The following NCKAP5 variants were observed in gnomAD, a reference collection of about 807,000 sequenced individuals.
The protein encoded by NCKAP5 is nck-associated protein 5.
Under a neutral mutation model 167.0 loss-of-function variants are expected in NCKAP5, and 92 were observed. The observed-to-expected ratio is 0.55, with a 90% CI of 0.47 to 0.66. The LOEUF is 0.66. Among genes scored for constraint, NCKAP5 ranks in the 30% least tolerant of loss-of-function variants. The pLI is 0.00. For missense variants in NCKAP5, 2,378 were observed against 2,315.0 expected (o/e 1.03, Z -0.56); for synonymous variants, 891 against 877.4 (o/e 1.02, Z -0.27).
At chr2:133,171,687 T>C (rs1474738643) in intron 5 of NCKAP5, among the ~76,000 whole-genome samples, 1 of 152,202 alleles carries the variant, frequency 6.6e-6, no homozygotes, top group Non-Finnish European at 1.5e-5. Context: ...TCCAGAAATA[T>C]ATGTCAACAC....
intron 6 of NCKAP5, among the ~76,000 whole-genome samples, chr2:133,099,756 C>T (rs1328275112): frequency 1.3e-5 from 2 of 152,174 alleles, no homozygotes; most frequent in African/African-American, 4.8e-5. Flanking sequence ...TTAACCATCC[C>T]TTTTTATTGT....
chr2:133,412,226 G>A (rs952042292), intron 3 of NCKAP5, among the ~76,000 whole-genome samples: 1 of 152,172 alleles, frequency 6.6e-6, no homozygotes, highest in East Asian at 1.9e-4. Context: ...GGACCGCAGA[G>A]AGCCCTCTCT....
intron 8 of NCKAP5, among the ~76,000 whole-genome samples, chr2:132,941,701 G>A (rs1212352432): frequency 6.6e-6 from 1 of 152,046 alleles, no homozygotes; most frequent in East Asian, 1.9e-4. Flanking sequence ...TTCATGAGTC[G>A]ACAAATTCCG....
intron 19 of NCKAP5, among the ~76,000 whole-genome samples, chr2:132,698,848 CAAACAAACAAA>C (rs1687587750): frequency 6.6e-6 from 1 of 151,192 alleles, no homozygotes; most frequent in Non-Finnish European, 1.5e-5. Flanking sequence ...AACAAACAAA[CAAACAAACAAA>C]AAAAAAAGTG....
chr2:132,709,658 A>G (rs1283379669), intron 19 of NCKAP5, among the ~76,000 whole-genome samples: 4 of 152,104 alleles, frequency 2.6e-5, no homozygotes, highest in African/African-American at 7.2e-5. Flanking sequence ...AGAGTATTAT[A>G]ACTAGTAATG....
In NCKAP5 at chr2:132,785,097, G is replaced by A. The variant is rs375139697; in HGVS notation, c.1714C>T (p.Arg572Cys). ...ERGPQGQGHG[R>C]MALNLQLSDT... ...GAAAGCTGGAGGTTGAGAGCCATGC[G>A]GCCATGGCCTTGGCCCTGTGGGCCC... is the stretch of plus-strand genomic sequence containing the variant. The change falls in exon 14 of 20, where the codon CGC (arginine) becomes TGC (cysteine). Residue 572 changes from arginine to cysteine, a missense_variant. This residue lies in a region of NCKAP5 where 1,049 missense variants were observed against 1,023.4 expected (regional missense o/e 1.02). Transcript: ENST00000409261. 8.9e-5 allele frequency: 143 copies of A among 1,613,928 alleles called. No individual in the cohort carries two copies. The highest frequency in any genetic ancestry group is 1.0e-4 in the Non-Finnish European group (120 of 1,179,902).
At chr2:132,838,872 T>A (rs1358899458) in intron 11 of NCKAP5, among the ~76,000 whole-genome samples, 1 of 152,218 alleles carries the variant, frequency 6.6e-6, no homozygotes, top group African/African-American at 2.4e-5. Flanking sequence ...TCCGTAACAG[T>A]AATAAGCATT....
At chr2:133,508,532 C>G (rs894787859) in intron 3 of NCKAP5, among the ~76,000 whole-genome samples, 5 of 152,168 alleles carry the variant, frequency 3.3e-5, no homozygotes, top group Admixed American at 6.5e-5. Flanking sequence ...CAAGTAGGTA[C>G]TCCATTCCTG....
intron 11 of NCKAP5, among the ~76,000 whole-genome samples, chr2:132,848,577 T>C (rs953003485): frequency 6.6e-6 from 1 of 152,232 alleles, no homozygotes; most frequent in African/African-American, 2.4e-5. Context: ...AACATAAATA[T>C]ATCTATTATA....
At position 132,784,427 on chromosome 2, in the gene NCKAP5, T is replaced by C. The variant is rs370409499; in HGVS notation, c.2384A>G (p.Tyr795Cys). 1.2e-5 allele frequency: 19 copies of C among 1,612,604 alleles called. No homozygotes were observed. Among genetic ancestry groups the C allele is most frequent in the Non-Finnish European group, 1.5e-5 (18 of 1,179,448 alleles). ...NSRSSAPMGI[Y>C]QKQNLTKIPP... ...TATTTTTGTCAGATTTTGCTTTTGA[T>C]AGATGCCCATGGGTGCCGAAGACCT... Residue 795 changes from tyrosine (Y) to cysteine (C), a missense_variant, in exon 14 of 20, where the codon TAT (tyrosine) becomes TGT (cysteine). Tyr to Cys is a radical substitution (Grantham distance 194). This residue lies in a region of NCKAP5 where 1,049 missense variants were observed against 1,023.4 expected (regional missense o/e 1.02). Transcript: ENST00000409261.
chr2:133,422,313 G>A (rs975038893), intron 3 of NCKAP5, among the ~76,000 whole-genome samples: 10 of 152,180 alleles, frequency 6.6e-5, no homozygotes, highest in African/African-American at 2.4e-4. Flanking sequence ...TAAATGCCAC[G>A]GCAAAGTGCA....
chr2:133,328,544 C>T (rs1440393901), intron 3 of NCKAP5, among the ~76,000 whole-genome samples: 1 of 152,172 alleles, frequency 6.6e-6, no homozygotes, highest in African/African-American at 2.4e-5. Flanking sequence ...CCTGGAGTCT[C>T]CACTGCCTGG....
chr2:133,478,356 T>G (rs1298568363), intron 3 of NCKAP5, among the ~76,000 whole-genome samples: 1 of 152,176 alleles, frequency 6.6e-6, no homozygotes, highest in African/African-American at 2.4e-5. Flanking sequence ...AGGGCAATGA[T>G]CTTTGTTTTC....
At chr2:132,673,572 A>G (rs1401811748) in intron 19 of NCKAP5, among the ~76,000 whole-genome samples, 2 of 152,176 alleles carry the variant, frequency 1.3e-5, no homozygotes, top group Admixed American at 1.3e-4. Context: ...ATCCATTTGA[A>G]ATTTGTTCAG....
At chr2:132,757,607 C>T (rs1680659297) in intron 16 of NCKAP5, among the ~76,000 whole-genome samples, 1 of 152,186 alleles carries the variant, frequency 6.6e-6, no homozygotes, top group Non-Finnish European at 1.5e-5. Context: ...AGTCCTCACC[C>T]AATTTATCAT....
At chr2:132,679,202 C>T (rs1187095764) in intron 19 of NCKAP5, among the ~76,000 whole-genome samples, 1 of 152,194 alleles carries the variant, frequency 6.6e-6, no homozygotes, top group African/African-American at 2.4e-5. Flanking sequence ...TAGTAATTAG[C>T]AGCCCTGGGC....
chr2:133,246,402 A>T (rs1249524476), intron 4 of NCKAP5, among the ~76,000 whole-genome samples: 4 of 152,176 alleles, frequency 2.6e-5, no homozygotes, highest in Admixed American at 6.5e-5. Context: ...AAGGAGTAAA[A>T]TCGCTATAAT....
intron 2 of NCKAP5, among the ~76,000 whole-genome samples, chr2:133,521,683 C>T (rs1347724746): frequency 6.6e-6 from 1 of 152,194 alleles, no homozygotes; most frequent in African/African-American, 2.4e-5. Context: ...CCTCTAAGGA[C>T]ACCAGTTGTA....
rs72842435 is a variant in NCKAP5, at chr2:133,059,341, T to C, written c.342-65102A>G. On this transcript the variant is annotated intron_variant, in intron 6 of 19. Coordinates refer to ENST00000409261, the MANE Select transcript of NCKAP5 (RefSeq NM_207363.3). ...TATTCTGATATGCTAAAGGCCCAGA[T>C]GATTGTTAGCATTTTTTAGCAATAA... Among the ~76,000 whole-genome samples, 829 of 152,094 alleles carry C rather than the reference T, an allele frequency of 5.5e-3. 3 individuals carry two copies. Among genetic ancestry groups the C allele is most frequent in the Non-Finnish European group, 9.9e-3 (671 of 67,954 alleles).
Sources: allele counts gnomAD v4.1 joint callset (sites outside exome capture counted in the v4.1 genomes callset), GRCh38; gene constraint gnomAD v4.1.1; regional missense constraint gnomAD v4.1.1; transcripts MANE v1.5; gene names NCBI Gene and HGNC (gene_info 2026-07-23, HGNC 2026-07-21).